Variants in FBXO4 observed in about 807,000 individuals in gnomAD.
FBXO4 encodes F-box only protein 4.
Under a neutral mutation model 43.7 loss-of-function variants are expected in FBXO4, and 36 were observed. The observed-to-expected ratio is 0.82, with a 90% CI of 0.63 to 1.09. FBXO4 has a LOEUF of 1.09. Ranked by LOEUF, FBXO4 falls within the 50% of genes least tolerant of loss-of-function variation. The pLI is 0.00. For missense variants in FBXO4, 435 were observed against 474.1 expected, an observed-to-expected ratio of 0.92 and a Z score of 0.77; for synonymous variants, 180 against 165.6, an observed-to-expected ratio of 1.09 and a Z score of -0.67.
chr5:41,934,324 T>A lies in FBXO4; in HGVS notation c.898+16T>A. 1.2e-6 allele frequency: 2 copies of A among 1,613,918 alleles called. No individual in the cohort carries two copies. Among genetic ancestry groups the A allele is most frequent in the Non-Finnish European group, 1.7e-6 (2 of 1,179,978 alleles). On this transcript the variant is annotated intron_variant, in intron 5 of 6. Coordinates refer to ENST00000281623, the MANE Select transcript of FBXO4 (RefSeq NM_012176.3). ...GCTCATAAAAGTAAGTACTCATATG[T>A]ACATTTTTAAGCACATTGTTCTTTT...
chr5:42,008,450 A>T, the FBXO4 span, among the ~76,000 whole-genome samples: 1 of 152,022 alleles, frequency 6.6e-6, no homozygotes, highest in African/African-American at 2.4e-5. Context: ...ATTTGTTTTG[A>T]TATGCACCAT....
chr5:41,988,061 A>T, the FBXO4 span, among the ~76,000 whole-genome samples: 1 of 152,158 alleles, frequency 6.6e-6, no homozygotes. Context: ...GTCAGAAAAG[A>T]TGTAATAGGT....
the FBXO4 span, among the ~76,000 whole-genome samples, chr5:41,966,767 G>C: frequency 6.6e-6 from 1 of 151,846 alleles, no homozygotes. Flanking sequence ...AAAAGGTTTG[G>C]TACCTAAAAT....
chr5:42,000,093 C>T, the FBXO4 span, among the ~76,000 whole-genome samples: 1 of 152,058 alleles, frequency 6.6e-6, no homozygotes, highest in South Asian at 2.1e-4. Flanking sequence ...CTGTTTCTGG[C>T]TTATTTCATT....
chr5:41,927,165 C>G lies in FBXO4; in HGVS notation c.342C>G (p.Asp114Glu). ...ATCTTCCTTCTTGGTCTTCTGTTGACTGGAAGTCTCTTCCAGATCTAGAAA... is the reference window on the plus strand; with the variant it reads ...ATCTTCCTTCTTGGTCTTCTGTTGAGTGGAAGTCTCTTCCAGATCTAGAAA... ...LRDLPSWSSV[D>E]WKSLPDLEIL... Residue 114 changes from aspartate to glutamate, a missense_variant, in exon 2 of 7, where the codon GAC becomes GAG. Physicochemically the swap from Asp to Glu is conservative, Grantham distance 45. Transcript: ENST00000281623. 1.9e-6 allele frequency: 3 copies of G among 1,613,954 alleles called. No individual in the cohort carries two copies. The highest frequency in any genetic ancestry group is 2.5e-6 in the Non-Finnish European group (3 of 1,179,916).
chr5:41,929,458 G>T (rs545203697), intron 2 of FBXO4, among the ~76,000 whole-genome samples: 23 of 152,108 alleles, frequency 1.5e-4, no homozygotes, highest in Non-Finnish European at 3.1e-4. Context: ...ACCACTTCAT[G>T]GGGGAAGAGT....
chr5:41,982,247 T>C, the FBXO4 span, among the ~76,000 whole-genome samples: 1 of 152,300 alleles, frequency 6.6e-6, no homozygotes, highest in Middle Eastern at 3.4e-3. Context: ...TGATTTATAA[T>C]CCTTTGGGTA....
chr5:41,925,290 AC>A lies in FBXO4; in HGVS notation c.-17del. On this transcript the variant is annotated 5_prime_UTR_variant, in exon 1 of 7. Transcript: ENST00000281623. ...CGCTAGCGTGGCTCTAAGACGCGTC[AC>A]CCACGCTGCGGGCAAGCCATGGCGG... 7.6e-7 allele frequency: 1 copy of A among 1,321,098 alleles called. No individual in the cohort carries two copies. Among genetic ancestry groups the A allele is most frequent in the Non-Finnish European group, 9.7e-7 (1 of 1,030,258 alleles). The allele number at this position is 1,321,098 out of a possible 1,614,324, so 81.8% of individuals were successfully genotyped here.
At chr5:41,999,511 A>G in the FBXO4 span, among the ~76,000 whole-genome samples, 30 of 105,052 alleles carry the variant, frequency 2.9e-4, 1 homozygote, top group East Asian at 1.0e-3. Flanking sequence ...ATATGTGTAT[A>G]TATATATATA....
At chr5:42,027,251 G>A in the FBXO4 span, among the ~76,000 whole-genome samples, 1 of 151,694 alleles carries the variant, frequency 6.6e-6, no homozygotes, top group African/African-American at 2.4e-5. Flanking sequence ...TTCAGGTTTT[G>A]GATTTCTTCC....
chr5:42,015,350 G>A, the FBXO4 span, among the ~76,000 whole-genome samples: 9 of 152,266 alleles, frequency 5.9e-5, no homozygotes, highest in Non-Finnish European at 7.4e-5. Context: ...TTTAGGAGAC[G>A]TTGTATTCTA....
At chr5:41,958,777 A>G in the FBXO4 span, among the ~76,000 whole-genome samples, 2 of 152,160 alleles carry the variant, frequency 1.3e-5, no homozygotes, top group Non-Finnish European at 2.9e-5. Flanking sequence ...TACACATAGA[A>G]TTTTTTTAAA....
chr5:42,013,175 G>A, the FBXO4 span, among the ~76,000 whole-genome samples: 58 of 152,154 alleles, frequency 3.8e-4, no homozygotes, highest in African/African-American at 1.3e-3. Context: ...ATGGTGGTGC[G>A]CACCTGTGGT....
chr5:41,955,764 T>G, the FBXO4 span, among the ~76,000 whole-genome samples: 1 of 152,094 alleles, frequency 6.6e-6, no homozygotes, highest in Non-Finnish European at 1.5e-5. Flanking sequence ...AGGAGAAAAC[T>G]ACCCAAGGAT....
the FBXO4 span, among the ~76,000 whole-genome samples, chr5:42,012,678 C>T: frequency 6.6e-6 from 1 of 152,026 alleles, no homozygotes; most frequent in Admixed American, 6.6e-5. Context: ...GCTGCTTGTT[C>T]CTGACAACAT....
the FBXO4 span, among the ~76,000 whole-genome samples, chr5:42,030,683 G>C: frequency 6.6e-6 from 1 of 151,306 alleles, no homozygotes; most frequent in South Asian, 2.1e-4. Context: ...CTACAAAATG[G>C]GAGAAAATTT....
the FBXO4 span, among the ~76,000 whole-genome samples, chr5:42,031,461 G>C: frequency 7.1e-6 from 1 of 141,648 alleles, no homozygotes; most frequent in Non-Finnish European, 1.5e-5. Flanking sequence ...GACTGTTGTG[G>C]AGTGGGGGGA....
At chr5:41,981,311 C>A in the FBXO4 span, among the ~76,000 whole-genome samples, 1 of 151,416 alleles carries the variant, frequency 6.6e-6, no homozygotes, top group Admixed American at 6.6e-5. Flanking sequence ...ATTTCACAAC[C>A]AAAATATTAA....
chr5:41,967,147 G>A, the FBXO4 span: 7 of 384,868 alleles, frequency 1.8e-5, no homozygotes, highest in Non-Finnish European at 3.6e-5. Flanking sequence ...TTAGTTAGTG[G>A]CTACTCCAAG....
Sources: allele counts gnomAD v4.1 joint callset (sites outside exome capture counted in the v4.1 genomes callset), GRCh38; gene constraint gnomAD v4.1.1; transcripts MANE v1.5; gene names NCBI Gene and HGNC (gene_info 2026-07-23, HGNC 2026-07-21).